ZNF521: variants seen among roughly 807,000 people sequenced by gnomAD.
ZNF521 encodes the protein LYST-interacting protein 3.
A neutral mutation model predicts 105.5 loss-of-function variants in ZNF521; 14 were observed. The ratio of observed to expected loss-of-function variants is 0.13; its 90% CI spans 0.09 to 0.21. The LOEUF (loss-of-function observed/expected upper bound fraction) is 0.21. ZNF521 is among the 10% of genes least tolerant of loss of function. The probability of loss-of-function intolerance (pLI) is 1.00; values close to 1 mark genes in which losing one functional copy is unlikely to be tolerated. For missense variants in ZNF521, 1,233 were observed against 1,629.7 expected (o/e 0.76, Z 4.19); for synonymous variants, 635 against 606.0 (o/e 1.05, Z -0.70).
At chr18:25,236,397 G>A (rs572322389) in intron 3 of ZNF521, among the ~76,000 whole-genome samples, 10 of 152,126 alleles carry the variant, frequency 6.6e-5, no homozygotes, top group East Asian at 5.8e-4. Flanking sequence ...TTAGCCGGGC[G>A]TGGTGGCATG....
chr18:25,119,120 G>A (rs1303286854), intron 5 of ZNF521, among the ~76,000 whole-genome samples: 2 of 151,910 alleles, frequency 1.3e-5, no homozygotes, highest in African/African-American at 2.4e-5. Flanking sequence ...AGGCAAAAAC[G>A]GACAGAATAT....
At chr18:25,118,827 G>T (rs1366517684) in intron 5 of ZNF521, among the ~76,000 whole-genome samples, 1 of 151,998 alleles carries the variant, frequency 6.6e-6, no homozygotes, top group Admixed American at 6.6e-5. Context: ...CTAATTAAAA[G>T]AAAGATTGTC....
Position 25,227,026 on chromosome 18 carries a change from T to G in ZNF521, c.892A>C (p.Asn298His). Reference protein sequence around the residue: ...ELFVEETSLMNHMEQVHSGEK... With the variant: ...ELFVEETSLMHHMEQVHSGEK... ...CCGCTATGCACCTGCTCCATGTGGTTCATGAGGGAGGTCTCCTCTACGAAG... is the reference window on the plus strand; with the variant it reads ...CCGCTATGCACCTGCTCCATGTGGTGCATGAGGGAGGTCTCCTCTACGAAG... The change falls in exon 4 of 8, where the codon AAC becomes CAC. Residue 298 changes from asparagine (N) to histidine (H), a missense_variant. Coordinates refer to ENST00000361524, the MANE Select transcript of ZNF521 (RefSeq NM_015461.3). This position sits in a 1 kb window ranked among gnomAD's most constrained non-coding sequence, Gnocchi z 5.7. The G allele has an allele frequency of 6.2e-7, 1 of 1,614,156 alleles. No individual in the cohort carries two copies. The highest frequency in any genetic ancestry group is 8.5e-7 in the Non-Finnish European group (1 of 1,180,014).
At chr18:25,130,571 G>T (rs966073214) in intron 5 of ZNF521, among the ~76,000 whole-genome samples, 1 of 152,138 alleles carries the variant, frequency 6.6e-6, no homozygotes, top group Non-Finnish European at 1.5e-5. Context: ...AGTCATGGGG[G>T]AAAAACAATA....
At chr18:25,316,594 T>TA (rs895919121) in intron 3 of ZNF521, among the ~76,000 whole-genome samples, 42 of 152,134 alleles carry the variant, frequency 2.8e-4, no homozygotes, top group African/African-American at 1.0e-3. Context: ...CAAGTGTCTT[T>TA]AATCTTTTCC....
At chr18:25,329,731 C>T (rs1448948522) in intron 2 of ZNF521, among the ~76,000 whole-genome samples, 1 of 152,134 alleles carries the variant, frequency 6.6e-6, no homozygotes. Context: ...TATGAGAAAT[C>T]ACTGATGGAT....
chr18:25,285,040 G>A (rs1426051462), intron 3 of ZNF521, among the ~76,000 whole-genome samples: 1 of 150,812 alleles, frequency 6.6e-6, no homozygotes, highest in East Asian at 1.9e-4. Flanking sequence ...ACTTAGCTAA[G>A]CTGAAGGAGT....
intron 5 of ZNF521, among the ~76,000 whole-genome samples, chr18:25,097,654 T>C (rs1161640687): frequency 6.6e-6 from 1 of 152,008 alleles, no homozygotes; most frequent in African/African-American, 2.4e-5. Context: ...CATGAGGAAA[T>C]GAGCTCCAGG....
intron 5 of ZNF521, among the ~76,000 whole-genome samples, chr18:25,181,683 T>G (rs1206643670): frequency 2.0e-5 from 3 of 152,168 alleles, no homozygotes; most frequent in African/African-American, 7.2e-5. Flanking sequence ...TGCAAAAATA[T>G]CTACCTATGC....
chr18:25,332,522 A>G (rs1913635388), intron 2 of ZNF521, among the ~76,000 whole-genome samples: 1 of 152,184 alleles, frequency 6.6e-6, no homozygotes, highest in Non-Finnish European at 1.5e-5. Context: ...GATAAACAAA[A>G]CAAGAAAAGC....
At chr18:25,346,098 G>A (rs1223258380) in intron 2 of ZNF521, among the ~76,000 whole-genome samples, 1 of 151,860 alleles carries the variant, frequency 6.6e-6, no homozygotes, top group East Asian at 1.9e-4. Flanking sequence ...TAATTTTGAG[G>A]GAAAGCCATA....
chr18:25,101,260 T>C (rs1221419706), intron 5 of ZNF521, among the ~76,000 whole-genome samples: 2 of 152,116 alleles, frequency 1.3e-5, no homozygotes, highest in African/African-American at 2.4e-5. Context: ...ACTGAAAATA[T>C]AGTACTCACG....
chr18:25,072,562 C>A (rs958058201), intron 7 of ZNF521, among the ~76,000 whole-genome samples: 3 of 151,842 alleles, frequency 2.0e-5, no homozygotes, highest in African/African-American at 7.3e-5. Flanking sequence ...GAAGAACAGG[C>A]GAAAAAGAGC....
chr18:25,090,924 A>G (rs2033731191), intron 6 of ZNF521, among the ~76,000 whole-genome samples: 1 of 152,200 alleles, frequency 6.6e-6, no homozygotes, highest in African/African-American at 2.4e-5. Flanking sequence ...GTTCCAAAAG[A>G]AGGATGGAGA....
chr18:25,320,722 T>C (rs1419316866), intron 3 of ZNF521, among the ~76,000 whole-genome samples: 1 of 152,208 alleles, frequency 6.6e-6, no homozygotes, highest in Non-Finnish European at 1.5e-5. Flanking sequence ...AAGTTTTCTG[T>C]ATGTTTGGAA....
chr18:25,255,997 GTATATATATATGA>G (rs1908465834), intron 3 of ZNF521, among the ~76,000 whole-genome samples: 1 of 145,762 alleles, frequency 6.9e-6, no homozygotes, highest in South Asian at 2.1e-4. Flanking sequence ...TATATATATG[GTATATATATATGA>G]TATATATATG....
intron 4 of ZNF521, among the ~76,000 whole-genome samples, chr18:25,219,949 A>T (rs932558892): frequency 6.6e-6 from 1 of 152,234 alleles, no homozygotes; most frequent in Non-Finnish European, 1.5e-5. Flanking sequence ...AGGCATCAAG[A>T]TAAAGAGTGT....
intron 3 of ZNF521, chr18:25,315,768 CT>C (rs1912572142): frequency 6.6e-6 from 1 of 152,146 alleles, no homozygotes; most frequent in African/African-American, 2.4e-5. Flanking sequence ...AAGGCAGGCT[CT>C]CCAAGGAATG....
intron 7 of ZNF521, among the ~76,000 whole-genome samples, chr18:25,065,978 A>G (rs1392288105): frequency 6.6e-6 from 1 of 152,246 alleles, no homozygotes; most frequent in Admixed American, 6.5e-5. Context: ...GAGGAATATA[A>G]ATCACTTGTG....
Sources: gnomAD v4.1 joint callset for allele counts (sites outside exome capture counted in the v4.1 genomes callset) on GRCh38, gnomAD v4.1.1 for gene constraint, Gnocchi (gnomAD v3.1) non-coding constraint, MANE v1.5 for transcripts, NCBI Gene and HGNC (gene_info 2026-07-23, HGNC 2026-07-21) for gene names.